ADGRV1: variants seen among roughly 807,000 people sequenced by gnomAD.
The protein encoded by ADGRV1 is adhesion G protein-coupled receptor V1.
Under a neutral mutation model 596.2 loss-of-function variants are expected in ADGRV1, and 359 were observed. The ratio of observed to expected loss-of-function variants is 0.60; its 90% CI spans 0.55 to 0.66. ADGRV1 has a LOEUF of 0.66. ADGRV1 is among the 30% of genes least tolerant of loss of function. ADGRV1 has a pLI of 0.00. For synonymous variants in ADGRV1, 2,681 were observed against 2,679.2 expected (o/e 1.00, Z -0.02); for missense variants, 7,274 against 7,575.6 (o/e 0.96, Z 1.48).
In ADGRV1 at chr5:90,629,393, G is replaced by A; in HGVS notation, c.1693G>A (p.Val565Met). 1 of 1,613,646 alleles carries A rather than the reference G, an allele frequency of 6.2e-7. No homozygotes were observed. Among genetic ancestry groups the A allele is most frequent in the Non-Finnish European group, 8.5e-7 (1 of 1,179,816 alleles). Residue 565 changes from valine to methionine, a missense_variant, in exon 9 of 90, where the codon GTG (valine) becomes ATG (methionine). Val to Met is a conservative substitution (Grantham distance 21). This residue lies in a region of ADGRV1 where 1,715 missense variants were observed against 1,708.8 expected (regional missense o/e 1.00). Coordinates refer to ENST00000405460, the MANE Select transcript of ADGRV1 (RefSeq NM_032119.4). ...TGTACTTTACATTCCTGCTGGAGCT[G>A]TGGACCCCTTGCAAGCAAAAGAAGG... ...YSVLYIPAGA[V>M]DPLQAKEGIL...
intron 83 of ADGRV1, among the ~76,000 whole-genome samples, chr5:90,939,550 A>G (rs1876633): frequency 0.63 from 95,407 of 151,952 alleles, 30,343 homozygotes; most frequent in Non-Finnish European, 0.66. Flanking sequence ...ATGTTACTGT[A>G]AATAAAATGC....
At chr5:90,888,559 A>G (rs932790633) in intron 83 of ADGRV1, among the ~76,000 whole-genome samples, 1 of 152,214 alleles carries the variant, frequency 6.6e-6, no homozygotes, top group African/African-American at 2.4e-5. Flanking sequence ...TTTGCAGGAA[A>G]AAATGACTAA....
chr5:90,755,279 A>T, intron 55 of ADGRV1, 94 bp downstream of exon 55: 1 of 761,038 alleles, frequency 1.3e-6, no homozygotes, highest in Non-Finnish European at 2.0e-6. Flanking sequence ...CTTTTTTTTA[A>T]TAAAAGGATT....
chr5:90,816,588 T>A (rs1301486352), intron 75 of ADGRV1, among the ~76,000 whole-genome samples: 3 of 128,242 alleles, frequency 2.3e-5, no homozygotes, highest in Admixed American at 8.7e-5. Flanking sequence ...CAGTCCCCAG[T>A]GGGTGATGTT....
At chr5:91,089,127 A>G (rs1335567626) in intron 86 of ADGRV1, among the ~76,000 whole-genome samples, 2 of 152,174 alleles carry the variant, frequency 1.3e-5, no homozygotes, top group Non-Finnish European at 2.9e-5. Flanking sequence ...GGTAATAATA[A>G]TAAGCCTTTA....
chr5:90,928,893 G>A, intron 83 of ADGRV1, among the ~76,000 whole-genome samples: 1 of 144,590 alleles, frequency 6.9e-6, no homozygotes, highest in Non-Finnish European at 1.5e-5. Flanking sequence ...AGCCTGCCGT[G>A]TGAGGTGTCA....
chr5:90,883,603 A>G (rs1468163621), intron 83 of ADGRV1, among the ~76,000 whole-genome samples: 1 of 152,024 alleles, frequency 6.6e-6, no homozygotes, highest in African/African-American at 2.4e-5. Flanking sequence ...TTCCAAATGT[A>G]TTTGCATATG....
In ADGRV1 at chr5:90,753,837, T is replaced by C. The variant is rs776337670; in HGVS notation, c.11377+8T>C. 16 of 1,572,776 alleles carry C rather than the reference T, an allele frequency of 1.0e-5. No individual in the cohort carries two copies. The South Asian group carries it at 1.5e-4, about 15-fold the overall frequency. On this transcript the variant is annotated splice_region_variant and intron_variant, in intron 54 of 89. Coordinates refer to ENST00000405460, the MANE Select transcript of ADGRV1 (RefSeq NM_032119.4). Reference sequence around the variant, plus strand: ...GAGTAGCAGAGCCTAAAGGTAAATATTGTTAAATATCTTTCAAGTTTTAAT... The same window carrying C: ...GAGTAGCAGAGCCTAAAGGTAAATACTGTTAAATATCTTTCAAGTTTTAAT...
chr5:91,037,642 A>C (rs1032617174), intron 85 of ADGRV1, among the ~76,000 whole-genome samples: 2 of 152,258 alleles, frequency 1.3e-5, no homozygotes, highest in African/African-American at 4.8e-5. Flanking sequence ...AGCCATAAAA[A>C]GATTATTTGC....
chr5:90,729,741 C>G lies in ADGRV1; in HGVS notation c.10526C>G (p.Ser3509Cys). The part of the protein sequence containing the change: ...VDFAAVNRIH[S>C]FTPASGIAHI... ...TTTGCTGCTGTTAACAGAATCCACT[C>G]CTTCACACCAGCCTCAGGAATAGGT... Residue 3509 changes from serine to cysteine, a missense_variant, in exon 50 of 90, where the codon TCC becomes TGC. Ser to Cys is a moderately radical substitution (Grantham distance 112). Around this residue, in one of 5 missense-constraint regions of ADGRV1, gnomAD observed 3,643 missense variants for 3,809.2 expected, o/e 0.96. Coordinates refer to ENST00000405460, the MANE Select transcript of ADGRV1 (RefSeq NM_032119.4). 1 of 1,613,364 alleles carries G rather than the reference C, an allele frequency of 6.2e-7. No homozygotes were observed. Among genetic ancestry groups the G allele is most frequent in the Non-Finnish European group, 8.5e-7 (1 of 1,179,448 alleles).
Position 90,614,837 on chromosome 5 carries a change from A to G in ADGRV1, c.25A>G (p.Met9Val), listed in dbSNP as rs905425281. MSVFLGPGMPSASLLVNLL... is the reference protein window; with the variant it reads MSVFLGPGVPSASLLVNLL... The stretch of plus-strand genomic sequence containing the variant: ...ATATTTTTTTCTTTTTGTTTTAGGG[A>G]TGCCCTCTGCATCTTTATTAGTAAA... The change falls in exon 2 of 90, where the codon ATG (methionine) becomes GTG (valine). Residue 9 changes from methionine (M) to valine (V), a missense_variant and splice_region_variant. Transcript: ENST00000405460. 2 of 1,604,898 alleles carry G rather than the reference A, an allele frequency of 1.2e-6. No homozygotes were observed. The highest frequency in any genetic ancestry group is 1.7e-5 in the Admixed American group (1 of 59,706).
intron 87 of ADGRV1, among the ~76,000 whole-genome samples, chr5:91,123,994 G>T (rs577170858): frequency 6.6e-6 from 1 of 152,192 alleles, no homozygotes; most frequent in South Asian, 2.1e-4. Context: ...GGGCAGGCCA[G>T]TGGGATGCAT....
intron 87 of ADGRV1, among the ~76,000 whole-genome samples, chr5:91,103,690 C>CT (rs973762374): frequency 6.6e-6 from 1 of 151,976 alleles, no homozygotes; most frequent in African/African-American, 2.4e-5. Context: ...GAATTGCTGG[C>CT]TTTTTTTGAA....
At chr5:90,917,018 G>A (rs1319687129) in intron 83 of ADGRV1, among the ~76,000 whole-genome samples, 1 of 152,110 alleles carries the variant, frequency 6.6e-6, no homozygotes, top group Non-Finnish European at 1.5e-5. Context: ...TAAGTTAGTA[G>A]AAAACAATGG....
chr5:90,750,375 GTGTGTTTTAAATCATGGTCAT>G (rs1755104855), intron 52 of ADGRV1, among the ~76,000 whole-genome samples, 155 bp from the exon 53 acceptor site: 1 of 148,190 alleles, frequency 6.7e-6, no homozygotes, highest in African/African-American at 2.5e-5. Context: ...ATTCAAACAT[GTGTGTTTTAAATCATGGTCAT>G]TCTATATGAC....
chr5:90,871,654 A>G (rs1042491162), intron 83 of ADGRV1, among the ~76,000 whole-genome samples: 1 of 152,254 alleles, frequency 6.6e-6, no homozygotes, highest in Admixed American at 6.5e-5. Context: ...CTTTTATTAC[A>G]GCTTCAGTAA....
Position 90,653,261 on chromosome 5 carries a change from A to T in ADGRV1, c.3687A>T (p.Thr1229=). ...TAGCAGAAACCAACCTCCAGGTGACAGTAATGGTTCCATTCAATGATGATC... is the reference window on the plus strand; with the variant it reads ...TAGCAGAAACCAACCTCCAGGTGACTGTAATGGTTCCATTCAATGATGATC... ...GQLAETNLQV[T]VMVPFNDDPF... Residue 1229 remains threonine, a synonymous_variant, in exon 20 of 90, where the codon ACA becomes ACT. Transcript: ENST00000405460. 6.2e-7 allele frequency: 1 copy of T among 1,613,730 alleles called. No homozygotes were observed. The highest frequency in any genetic ancestry group is 1.1e-5 in the South Asian group (1 of 91,046).
intron 87 of ADGRV1, among the ~76,000 whole-genome samples, chr5:91,107,473 G>C (rs1392642421): frequency 1.3e-5 from 2 of 151,318 alleles, no homozygotes; most frequent in Admixed American, 6.6e-5. Context: ...CTCTGAGGCT[G>C]GGGAAAGAAA....
chr5:90,702,628 G>A (rs533994742), intron 34 of ADGRV1, among the ~76,000 whole-genome samples: 78 of 151,936 alleles, frequency 5.1e-4, no homozygotes, highest in Admixed American at 3.9e-4. Context: ...CTTGAAAATA[G>A]TGTTTAAAGT....
Sources: allele counts gnomAD v4.1 joint callset (sites outside exome capture counted in the v4.1 genomes callset), GRCh38; gene constraint gnomAD v4.1.1; regional missense constraint gnomAD v4.1.1; transcripts MANE v1.5; gene names NCBI Gene and HGNC (gene_info 2026-07-23, HGNC 2026-07-21).